Variants in ZFP64 observed in about 807,000 individuals in gnomAD.
ZFP64 encodes zinc finger protein 64.
Under a neutral mutation model 51.6 loss-of-function variants are expected in ZFP64, and 14 were observed. The observed-to-expected ratio is 0.27, with a 90% CI of 0.18 to 0.42. The LOEUF is 0.42. Ranked by LOEUF, ZFP64 falls within the 10% of genes least tolerant of loss-of-function variation. ZFP64 has a pLI of 1.00. For missense variants in ZFP64, 754 were observed against 906.8 expected (o/e 0.83, Z 2.16); for synonymous variants, 375 against 361.4 (o/e 1.04, Z -0.43).
At chr20:52,161,450 C>CTTTTTTTTTTTTTTTT (rs11469696) in intron 4 of ZFP64, among the ~76,000 whole-genome samples, 2 of 115,184 alleles carry the variant, frequency 1.7e-5, no homozygotes, top group African/African-American at 3.3e-5. Flanking sequence ...TGATTGCTTT[C>CTTTTTTTTTTTTTTTT]TTTTTTTTTT....
At chr20:52,092,390 C>G (rs556828591) in intron 7 of ZFP64, among the ~76,000 whole-genome samples, 2 of 152,302 alleles carry the variant, frequency 1.3e-5, no homozygotes, top group Non-Finnish European at 2.9e-5. Context: ...GAAATCATAC[C>G]TAGTTGAAAA....
intron 7 of ZFP64, chr20:52,088,650 A>G (rs750022346): frequency 6.2e-7 from 1 of 1,613,830 alleles, no homozygotes; most frequent in East Asian, 2.2e-5. Context: ...TCTCCTTCAA[A>G]CACATAAGGA....
At chr20:52,156,117 C>T (rs771742363) in intron 5 of ZFP64, among the ~76,000 whole-genome samples, 1 of 152,194 alleles carries the variant, frequency 6.6e-6, no homozygotes, top group Non-Finnish European at 1.5e-5. Context: ...TTTTCAGCTT[C>T]TCTAACTTAG....
intron 5 of ZFP64, among the ~76,000 whole-genome samples, chr20:52,099,607 T>A (rs531137874): frequency 1.3e-5 from 2 of 152,360 alleles, no homozygotes; most frequent in East Asian, 3.9e-4. Context: ...TTTTATACTT[T>A]GGTGTGAAAA....
chr20:52,185,705 C>T (rs1015287791), intron 2 of ZFP64, among the ~76,000 whole-genome samples: 1 of 151,870 alleles, frequency 6.6e-6, no homozygotes, highest in African/African-American at 2.4e-5. Context: ...CTTGGTCCCC[C>T]GAGTAGCTGG....
chr20:52,138,616 A>G (rs980730286), intron 5 of ZFP64, among the ~76,000 whole-genome samples: 2 of 151,816 alleles, frequency 1.3e-5, no homozygotes, highest in Admixed American at 1.3e-4. Context: ...ACAGCTACAA[A>G]CTTTATATGC....
intron 5 of ZFP64, chr20:52,098,600 C>G: frequency 6.2e-7 from 1 of 1,613,970 alleles, no homozygotes. Context: ...GAAATTGAGG[C>G]ATAGTTTTGC....
At chr20:52,103,391 A>G in intron 5 of ZFP64, among the ~76,000 whole-genome samples, 1 of 152,212 alleles carries the variant, frequency 6.6e-6, no homozygotes. Context: ...GACCAAAGGT[A>G]CTAGGATAAA....
intron 5 of ZFP64, chr20:52,110,695 T>A: frequency 6.4e-7 from 1 of 1,558,592 alleles, no homozygotes; most frequent in Middle Eastern, 1.7e-4. Flanking sequence ...CCCTTGCCCC[T>A]TCAGCCAGCG....
chr20:52,094,191 T>A (rs749757151), intron 7 of ZFP64, among the ~76,000 whole-genome samples: 3 of 151,958 alleles, frequency 2.0e-5, no homozygotes, highest in African/African-American at 7.3e-5. Flanking sequence ...GTCACTGAGG[T>A]TGACAGTGCT....
At chr20:52,112,082 CA>C (rs375422075) in intron 5 of ZFP64, among the ~76,000 whole-genome samples, 23,189 of 78,010 alleles carry the variant, frequency 0.3, 1,232 homozygotes, top group Non-Finnish European at 0.35. Context: ...ACTCTATCTC[CA>C]AAAAAAAAAA....
chr20:52,148,794 G>A (rs1041540221), downstream of ZFP64, among the ~76,000 whole-genome samples: 21 of 152,024 alleles, frequency 1.4e-4, no homozygotes, highest in African/African-American at 5.1e-4. Context: ...GGGAAAACCA[G>A]TTTAATCTCA....
intron 5 of ZFP64, among the ~76,000 whole-genome samples, chr20:52,102,889 T>C (rs1229024834): frequency 1.3e-5 from 2 of 152,230 alleles, no homozygotes; most frequent in African/African-American, 2.4e-5. Context: ...ATTAGTGTTA[T>C]TCACTGATAT....
chr20:52,097,358 A>G, intron 7 of ZFP64: 2 of 1,611,188 alleles, frequency 1.2e-6, no homozygotes, highest in Non-Finnish European at 1.7e-6. Flanking sequence ...GCTGTTGAAC[A>G]GAATGGATAC....
chr20:52,132,870 T>TGCACTCC (rs1979788316), intron 5 of ZFP64, among the ~76,000 whole-genome samples: 1 of 151,174 alleles, frequency 6.6e-6, no homozygotes, highest in African/African-American at 2.4e-5. Context: ...AGGGCAGTGT[T>TGCACTCC]ACCCTGATAC....
At chr20:52,097,182 G>C (rs1419966696) in intron 7 of ZFP64, 2 of 804,936 alleles carry the variant, frequency 2.5e-6, no homozygotes, top group Non-Finnish European at 2.3e-6. Context: ...GCTCTGTGTA[G>C]CTCATCCTGG....
At chr20:52,138,400 T>G (rs1980086487) in intron 5 of ZFP64, among the ~76,000 whole-genome samples, 1 of 152,008 alleles carries the variant, frequency 6.6e-6, no homozygotes, top group Non-Finnish European at 1.5e-5. Context: ...TGATTTGAAT[T>G]GTCCTATCAA....
chr20:52,152,719 C>A lies in ZFP64; in HGVS notation c.1473G>T (p.Gln491His), dbSNP rs1182886103. The change falls in exon 6 of 6, where the codon CAG becomes CAT. Residue 491 changes from glutamine to histidine, a missense_variant. By Grantham distance (24) the Gln-to-His change is conservative. Transcript: ENST00000216923. ...TGATTTTGACTCTTCCCTCGCTGAACTGGGGCACTTGGCTGGGCTGGAGGG... is the reference window on the plus strand; with the variant it reads ...TGATTTTGACTCTTCCCTCGCTGAAATGGGGCACTTGGCTGGGCTGGAGGG... ...QVPLQPSQVP[Q>H]FSEGRVKIIV... 3.2e-6 allele frequency: 5 copies of A among 1,569,196 alleles called. No homozygotes were observed. Among genetic ancestry groups the A allele is most frequent in the East Asian group, 2.3e-5 (1 of 44,420 alleles).
intron 2 of ZFP64, among the ~76,000 whole-genome samples, chr20:52,176,741 C>T (rs1452355730): frequency 1.3e-5 from 2 of 151,726 alleles, no homozygotes; most frequent in African/African-American, 4.8e-5. Flanking sequence ...TATCTCCTGA[C>T]CTCATGATCC....
Sources: allele counts gnomAD v4.1 joint callset (sites outside exome capture counted in the v4.1 genomes callset), GRCh38; gene constraint gnomAD v4.1.1; transcripts MANE v1.5; gene names NCBI Gene and HGNC (gene_info 2026-07-23, HGNC 2026-07-21).